The following SEC31A variants were observed in gnomAD, a reference collection of about 807,000 sequenced individuals.
The protein encoded by SEC31A is protein transport protein Sec31A.
In SEC31A, 70 loss-of-function variants were observed where a neutral mutation model predicts 151.0. That is an observed-to-expected ratio of 0.46 (90% confidence interval 0.38 to 0.57). SEC31A has a LOEUF of 0.57. Among genes scored for constraint, SEC31A ranks in the 20% least tolerant of loss-of-function variants. SEC31A has a pLI of 0.00. For missense variants in SEC31A, 1,330 were observed against 1,471.2 expected (o/e 0.90, Z 1.57); for synonymous variants, 475 against 505.9 (o/e 0.94, Z 0.82).
chr4:82,897,505 A>G (rs1720115018), intron 3 of SEC31A, among the ~76,000 whole-genome samples: 2 of 152,034 alleles, frequency 1.3e-5, no homozygotes, highest in Admixed American at 1.3e-4. Context: ...AAGAAAACCA[A>G]CTCTTTCTAT....
intron 14 of SEC31A, among the ~76,000 whole-genome samples, chr4:82,858,714 A>AT (rs977436199): frequency 6.7e-6 from 1 of 150,206 alleles, no homozygotes; most frequent in African/African-American, 2.4e-5. Context: ...ATTTAATTTT[A>AT]TTTTTTGAGA....
chr4:82,898,057 C>T (rs1720138888), intron 3 of SEC31A: 1 of 152,188 alleles, frequency 6.6e-6, no homozygotes, highest in Non-Finnish European at 1.5e-5. Flanking sequence ...TCTGAGAGTA[C>T]AATTCCTGAA....
intron 6 of SEC31A, among the ~76,000 whole-genome samples, 197 bp from the exon 7 acceptor site, chr4:82,872,283 AG>A (rs1736881762): frequency 6.6e-6 from 1 of 152,082 alleles, no homozygotes; most frequent in South Asian, 2.1e-4. Context: ...CACCTCCCCC[AG>A]GTTCAAGTGA....
intron 14 of SEC31A, 39 bp from the exon 15 acceptor site, chr4:82,857,803 A>C (rs1733013350): frequency 7.6e-7 from 1 of 1,310,334 alleles, no homozygotes; most frequent in South Asian, 1.2e-5. Context: ...GCCAGAATAA[A>C]ACTGTGGAAT....
intron 22 of SEC31A, among the ~76,000 whole-genome samples, chr4:82,841,467 T>TATATATATATATAC (rs1339344582): frequency 8.6e-4 from 89 of 103,564 alleles, no homozygotes; most frequent in Middle Eastern, 0.012. Flanking sequence ...TATATATATA[T>TATATATATATATAC]ACACACACAC....
At chr4:82,854,794 G>A (rs952509796) in intron 17 of SEC31A, 109 bp downstream of exon 17, 3 of 1,133,184 alleles carry the variant, frequency 2.6e-6, no homozygotes, top group Non-Finnish European at 3.5e-6. Context: ...TTTCTTTTTT[G>A]TGATTTGTAG....
intron 20 of SEC31A, among the ~76,000 whole-genome samples, chr4:82,847,022 T>G (rs561967310): frequency 6.6e-6 from 1 of 152,330 alleles, no homozygotes; most frequent in South Asian, 2.1e-4. Context: ...GCCTGCTTAC[T>G]TCATTGTTAA....
At chr4:82,890,581 G>A (rs1378791758) in intron 1 of SEC31A, 2 of 232,600 alleles carry the variant, frequency 8.6e-6, no homozygotes, top group Non-Finnish European at 1.4e-5. Context: ...AGTACAGGCT[G>A]CGCCTGGCTA....
At chr4:82,865,967 C>A (rs1356794621) in intron 10 of SEC31A, among the ~76,000 whole-genome samples, 1 of 150,368 alleles carries the variant, frequency 6.7e-6, no homozygotes, top group East Asian at 2.0e-4. Context: ...GCATTTTTTA[C>A]AATTAAAATT....
chr4:82,888,087 T>C (rs375139374), intron 1 of SEC31A, among the ~76,000 whole-genome samples: 22 of 138,662 alleles, frequency 1.6e-4, no homozygotes, highest in Admixed American at 1.1e-3. Flanking sequence ...AAAAAAAACA[T>C]CTATTAGCCA....
intron 24 of SEC31A, 46 bp from the exon 25 acceptor site, chr4:82,824,720 C>A: frequency 6.3e-7 from 1 of 1,595,904 alleles, no homozygotes; most frequent in Non-Finnish European, 8.5e-7. Context: ...CCAGAAGCTA[C>A]CTTATATACA....
chr4:82,849,728 T>G (rs1206925532), intron 19 of SEC31A, among the ~76,000 whole-genome samples: 1 of 149,388 alleles, frequency 6.7e-6, no homozygotes, highest in Non-Finnish European at 1.5e-5. Context: ...TTAAAAGAGA[T>G]TTTTGAAATA....
rs13132885 is a variant in SEC31A at position 82,875,779 on chromosome 4, A to G, written c.446T>C (p.Ile149Thr). 1 of 1,609,016 alleles carries G rather than the reference A, an allele frequency of 6.2e-7. No individual in the cohort carries two copies. Among genetic ancestry groups the G allele is most frequent in the African/African-American group, 1.3e-5 (1 of 74,948 alleles). The change falls in exon 5 of 27, where the codon ATA (isoleucine) becomes ACA (threonine). Residue 149 changes from isoleucine to threonine, a missense_variant. By Grantham distance (89) the Ile-to-Thr change is moderately conservative (BLOSUM62 -1). Transcript: ENST00000395310. ...GGTTGCAAAATTATTTAGATCCCAT[A>G]TGTAGATTTCAGATTCATTAGCACC... ...ASGANESEIY[I>T]WDLNNFATPM...
At chr4:82,861,552 A>T in intron 14 of SEC31A, 79 bp downstream of exon 14, 1 of 895,134 alleles carries the variant, frequency 1.1e-6, no homozygotes, top group Non-Finnish European at 1.8e-6. Flanking sequence ...TAAGTAGTCA[A>T]GAAAATTTTC....
intron 20 of SEC31A, chr4:82,845,250 G>A (rs1258734641): frequency 1.3e-6 from 2 of 1,534,692 alleles, no homozygotes; most frequent in Middle Eastern, 1.7e-4. Context: ...AAGGGCAGTA[G>A]GAGTTTTGTT....
upstream of SEC31A, chr4:82,891,293 C>T (rs1428629939): frequency 9.6e-6 from 10 of 1,044,852 alleles, no homozygotes; most frequent in Non-Finnish European, 1.4e-5. Context: ...CCCGCCACGG[C>T]ACTTCCGGGA....
chr4:82,837,179 A>G, intron 22 of SEC31A, among the ~76,000 whole-genome samples: 1 of 50,742 alleles, frequency 2.0e-5, no homozygotes, highest in Non-Finnish European at 6.1e-5. Flanking sequence ...ATATATATAT[A>G]TATATATATA....
chr4:82,821,494 G>A (rs1026104935), intron 25 of SEC31A: 14 of 146,390 alleles, frequency 9.6e-5, no homozygotes, highest in Non-Finnish European at 1.6e-4. Flanking sequence ...GTTGCAGTGA[G>A]CCGAGATCAC....
chr4:82,871,311 T>TACACACAC lies in SEC31A; in HGVS notation c.782+625_782+632dup, dbSNP rs10548601. 7 of 1,323,806 alleles carry TACACACAC rather than the reference T, an allele frequency of 5.3e-6. No homozygotes were observed. In the South Asian group the frequency reaches 6.0e-5, roughly 11 times the overall value. 82.0% of individuals were successfully genotyped at this position (1,323,806 alleles called of 1,614,324 possible). ...AAATTATATTGGGATTATACATGCA[T>TACACACAC]ACACACACACACACACACACACACA... is the stretch of plus-strand genomic sequence containing the variant. On this transcript the variant is annotated intron_variant, in intron 7 of 26. Coordinates refer to ENST00000395310, the MANE Select transcript of SEC31A (RefSeq NM_001077207.4).
Sources: gnomAD v4.1 joint callset for allele counts (sites outside exome capture counted in the v4.1 genomes callset) on GRCh38, gnomAD v4.1.1 for gene constraint, MANE v1.5 for transcripts, NCBI Gene and HGNC (gene_info 2026-07-23, HGNC 2026-07-21) for gene names.